Variants in IMMP2L observed in about 807,000 individuals in gnomAD.
IMMP2L encodes the protein inner mitochondrial membrane peptidase subunit 2.
A neutral mutation model predicts 19.3 loss-of-function variants in IMMP2L; 18 were observed. That is an observed-to-expected ratio of 0.93 (90% confidence interval 0.64 to 1.38). The LOEUF (loss-of-function observed/expected upper bound fraction) is 1.38, where lower values mean the gene tolerates loss of function less well. IMMP2L is among the 40% of genes most tolerant of loss of function. The pLI is 0.00. For missense variants in IMMP2L, 233 were observed against 218.2 expected (o/e 1.07, Z -0.43); for synonymous variants, 76 against 73.0 (o/e 1.04, Z -0.21).
chr7:111,218,325 T>G (rs947361419), intron 3 of IMMP2L, among the ~76,000 whole-genome samples: 1 of 152,094 alleles, frequency 6.6e-6, no homozygotes, highest in African/African-American at 2.4e-5. Context: ...GTCATATTTC[T>G]TATGAAAATT....
chr7:111,415,907 GA>G (rs1220648636), intron 3 of IMMP2L, among the ~76,000 whole-genome samples: 3 of 151,242 alleles, frequency 2.0e-5, no homozygotes, highest in African/African-American at 7.3e-5. Context: ...CAAAAAAACA[GA>G]AAAAAAATTT....
intron 5 of IMMP2L, among the ~76,000 whole-genome samples, chr7:110,684,311 T>C (rs1308014800): frequency 7.2e-5 from 11 of 152,060 alleles, no homozygotes; most frequent in African/African-American, 2.7e-4. Flanking sequence ...CGTATGTTGA[T>C]TATGTATATG....
chr7:111,149,555 T>C (rs1562856663), intron 3 of IMMP2L, among the ~76,000 whole-genome samples: 1 of 152,180 alleles, frequency 6.6e-6, no homozygotes, highest in Non-Finnish European at 1.5e-5. Flanking sequence ...ATTTTATACA[T>C]TCATGACATA....
chr7:111,080,608 T>C (rs530148796), intron 3 of IMMP2L, among the ~76,000 whole-genome samples: 20 of 152,192 alleles, frequency 1.3e-4, no homozygotes, highest in African/African-American at 4.8e-4. Context: ...AAATTAGACT[T>C]TTTAGCTAAT....
At chr7:111,154,501 C>A (rs28447649) in intron 3 of IMMP2L, among the ~76,000 whole-genome samples, 2 of 151,966 alleles carry the variant, frequency 1.3e-5, no homozygotes, top group Non-Finnish European at 2.9e-5. Flanking sequence ...TCCCTTTTTA[C>A]CACTACAATT....
intron 3 of IMMP2L, among the ~76,000 whole-genome samples, chr7:111,242,092 G>C (rs1815131158): frequency 1.3e-5 from 2 of 151,810 alleles, no homozygotes; most frequent in Admixed American, 1.3e-4. Flanking sequence ...TTTAATGAAG[G>C]TTAAAATGAA....
At chr7:111,412,413 T>A (rs766826249) in intron 3 of IMMP2L, among the ~76,000 whole-genome samples, 1 of 151,684 alleles carries the variant, frequency 6.6e-6, no homozygotes, top group African/African-American at 2.4e-5. Context: ...TTCCAGGCCT[T>A]AAAAAAATGG....
intron 5 of IMMP2L, among the ~76,000 whole-genome samples, chr7:110,747,816 G>C (rs559182164): frequency 6.6e-6 from 1 of 152,114 alleles, no homozygotes; most frequent in Non-Finnish European, 1.5e-5. Context: ...AAAACTGGAA[G>C]CATTCCCTTT....
intron 5 of IMMP2L, among the ~76,000 whole-genome samples, chr7:110,735,670 T>TATAG (rs1796574942): frequency 8.8e-6 from 1 of 113,910 alleles, no homozygotes; most frequent in African/African-American, 3.3e-5. Context: ...TATATATATA[T>TATAG]AGTAGACAAA....
At chr7:111,252,823 T>C (rs367780272) in intron 3 of IMMP2L, among the ~76,000 whole-genome samples, 2 of 152,180 alleles carry the variant, frequency 1.3e-5, no homozygotes, top group Admixed American at 6.6e-5. Flanking sequence ...ACATTTTCTA[T>C]TGCATATTCT....
chr7:111,259,547 G>A (rs971073639), intron 3 of IMMP2L, among the ~76,000 whole-genome samples: 2 of 151,970 alleles, frequency 1.3e-5, no homozygotes, highest in Non-Finnish European at 1.5e-5. Flanking sequence ...GCTGAGGCAG[G>A]GGATCTCTTG....
intron 4 of IMMP2L, among the ~76,000 whole-genome samples, chr7:110,888,107 C>T (rs192056156): frequency 6.6e-6 from 1 of 152,120 alleles, no homozygotes; most frequent in African/African-American, 2.4e-5. Context: ...AATATTGTGG[C>T]TGTTAGAAAA....
At chr7:111,117,994 G>T (rs1239121291) in intron 3 of IMMP2L, among the ~76,000 whole-genome samples, 1 of 152,026 alleles carries the variant, frequency 6.6e-6, no homozygotes, top group Non-Finnish European at 1.5e-5. Flanking sequence ...TTACTCACAT[G>T]TCCTCACTAT....
intron 3 of IMMP2L, among the ~76,000 whole-genome samples, chr7:111,128,806 A>T (rs1801566819): frequency 6.6e-6 from 1 of 152,220 alleles, no homozygotes; most frequent in African/African-American, 2.4e-5. Context: ...CGCTGGCAAC[A>T]GAGTGAGACT....
intron 3 of IMMP2L, among the ~76,000 whole-genome samples, chr7:111,066,357 G>A (rs1794498451): frequency 6.6e-6 from 1 of 151,974 alleles, no homozygotes; most frequent in African/African-American, 2.4e-5. Context: ...ACTATTGAGT[G>A]AATATTTTAA....
rs558154743 is a variant in IMMP2L, at chr7:111,137,805, T to A, written c.240-174240A>T. ...AAATCTCATTCAGTTAAAGTACAGA[T>A]GTATATGCTACAACTTTTGGTTTTG... On this transcript the variant is annotated intron_variant, in intron 3 of 5. Transcript: ENST00000405709. Among the ~76,000 whole-genome samples, 45 of 152,300 alleles carry A rather than the reference T, an allele frequency of 3.0e-4. 2 individuals are homozygous for A. The highest frequency in any genetic ancestry group is 9.9e-4 in the African/African-American group (41 of 41,568).
intron 3 of IMMP2L, among the ~76,000 whole-genome samples, chr7:111,364,003 C>G (rs1829513875): frequency 6.6e-6 from 1 of 151,978 alleles, no homozygotes; most frequent in South Asian, 2.1e-4. Flanking sequence ...GTAAGATCCC[C>G]CCCCACACAC....
intron 3 of IMMP2L, among the ~76,000 whole-genome samples, chr7:111,086,123 A>C (rs1219107952): frequency 2.6e-5 from 4 of 152,072 alleles, no homozygotes; most frequent in Non-Finnish European, 1.5e-5. Context: ...ACTTAAAATA[A>C]AAGTATTTAA....
chr7:111,293,536 T>C (rs1309223560), intron 3 of IMMP2L, among the ~76,000 whole-genome samples: 1 of 151,852 alleles, frequency 6.6e-6, no homozygotes, highest in African/African-American at 2.4e-5. Flanking sequence ...AACTACTGTT[T>C]GACAAAGCAC....
Sources: gnomAD v4.1 joint callset for allele counts (sites outside exome capture counted in the v4.1 genomes callset) on GRCh38, gnomAD v4.1.1 for gene constraint, MANE v1.5 for transcripts, NCBI Gene and HGNC (gene_info 2026-07-23, HGNC 2026-07-21) for gene names.